The following SGK3 variants were observed in gnomAD, a reference collection of about 807,000 sequenced individuals.
SGK3 encodes serine/threonine-protein kinase Sgk3.
Under a neutral mutation model 68.5 loss-of-function variants are expected in SGK3, and 47 were observed. That is an observed-to-expected ratio of 0.69 (90% confidence interval 0.54 to 0.87). The LOEUF (loss-of-function observed/expected upper bound fraction) is 0.87. Among genes scored for constraint, SGK3 ranks in the 40% least tolerant of loss-of-function variants. SGK3 has a pLI of 0.00. For synonymous variants in SGK3, 181 were observed against 189.1 expected, an observed-to-expected ratio of 0.96 and a Z score of 0.35; for missense variants, 479 against 575.5, an observed-to-expected ratio of 0.83 and a Z score of 1.72.
At chr8:66,751,211 A>G (rs1441454011) in intron 1 of SGK3, among the ~76,000 whole-genome samples, 2 of 152,160 alleles carry the variant, frequency 1.3e-5, no homozygotes, top group African/African-American at 4.8e-5. Context: ...CTGAGGCAGG[A>G]GAATGGCGTG....
intron 10 of SGK3, 123 bp from the exon 11 acceptor site, chr8:66,839,880 G>A (rs748074769): frequency 2.4e-6 from 2 of 847,798 alleles, no homozygotes; most frequent in Non-Finnish European, 3.6e-6. Flanking sequence ...AACATTTTTA[G>A]CTCACATTCA....
intron 5 of SGK3, among the ~76,000 whole-genome samples, chr8:66,821,999 T>TTA (rs1554603319): frequency 3.3e-5 from 5 of 151,544 alleles, no homozygotes; most frequent in African/African-American, 7.3e-5. Context: ...TTTTTTTTTT[T>TTA]ACCAACTTTT....
chr8:66,839,617 TG>T (rs1217464657), intron 10 of SGK3, among the ~76,000 whole-genome samples: 2 of 145,476 alleles, frequency 1.4e-5, no homozygotes, highest in South Asian at 2.2e-4. Flanking sequence ...GAATAGTGTT[TG>T]TTTTTTTCAA....
At chr8:66,788,903 C>T (rs985703603) in intron 1 of SGK3, among the ~76,000 whole-genome samples, 4 of 152,094 alleles carry the variant, frequency 2.6e-5, no homozygotes, top group Non-Finnish European at 5.9e-5. Flanking sequence ...ATGTGATGGA[C>T]CAGTGTGGTG....
chr8:66,797,344 C>T (rs575756114), intron 2 of SGK3, among the ~76,000 whole-genome samples: 2 of 152,304 alleles, frequency 1.3e-5, no homozygotes, highest in African/African-American at 4.8e-5. Context: ...TATTCAGCGT[C>T]GCTGGCACCT....
intron 2 of SGK3, 78 bp downstream of exon 2, chr8:66,793,910 C>T: frequency 7.0e-7 from 1 of 1,432,880 alleles, no homozygotes; most frequent in South Asian, 1.2e-5. Context: ...CTTCTCCAAC[C>T]TAGAACACCC....
chr8:66,793,769 A>C lies in SGK3; in HGVS notation c.33A>C (p.Glu11Asp), dbSNP rs1427694029. 5.6e-6 allele frequency: 9 copies of C among 1,613,498 alleles called. No individual in the cohort carries two copies. The highest frequency in any genetic ancestry group is 7.6e-6 in the Non-Finnish European group (9 of 1,179,630). The change falls in exon 2 of 17, where the codon GAA (glutamate) becomes GAC (aspartate). Residue 11 changes from glutamate (E) to aspartate (D), a missense_variant. Glu to Asp is a conservative substitution (Grantham distance 45, BLOSUM62 2). Coordinates refer to ENST00000521198, the MANE Select transcript of SGK3 (RefSeq NM_001033578.3). Reference protein sequence around the residue: MQRDHTMDYKESCPSVSIPSS... With the variant: MQRDHTMDYKDSCPSVSIPSS... ...GAGATCACACCATGGACTACAAGGA[A>C]AGCTGCCCAAGTGTAAGCATTCCCA...
intron 1 of SGK3, among the ~76,000 whole-genome samples, chr8:66,738,771 G>A (rs577194805): frequency 5.3e-5 from 8 of 152,162 alleles, no homozygotes; most frequent in African/African-American, 1.9e-4. Flanking sequence ...GGGACTACAG[G>A]CACCTGCCAC....
Position 66,732,252 on chromosome 8 carries a change from G to A in SGK3, c.-122+19419G>A, listed in dbSNP as rs548221808. On this transcript the variant is annotated intron_variant, in intron 1 of 16. Coordinates refer to ENST00000521198, the MANE Select transcript of SGK3 (RefSeq NM_001033578.3). ...AAAAATGTTTCAACATATAAACACC[G>A]GTAAATTCTTTTCCTCAACTAAAAA... is the stretch of plus-strand genomic sequence containing the variant. Among the ~76,000 whole-genome samples, 15 of 152,206 alleles carry A rather than the reference G, an allele frequency of 9.9e-5. 1 individual carries two copies. The highest frequency in any genetic ancestry group is 2.2e-4 in the African/African-American group (9 of 41,522).
intron 8 of SGK3, among the ~76,000 whole-genome samples, chr8:66,832,779 T>G (rs77276758): frequency 0.022 from 3,317 of 152,228 alleles, 135 homozygotes; most frequent in African/African-American, 0.075. Context: ...ACTTCATGTT[T>G]AGATCTAGAG....
chr8:66,760,425 C>T (rs1227325038), intron 1 of SGK3, among the ~76,000 whole-genome samples: 4 of 149,616 alleles, frequency 2.7e-5, no homozygotes. Flanking sequence ...AGCTCTGCCT[C>T]CCGGGTTCAC....
intron 1 of SGK3, among the ~76,000 whole-genome samples, chr8:66,766,720 T>C (rs1806330900): frequency 6.6e-6 from 1 of 152,214 alleles, no homozygotes; most frequent in Admixed American, 6.5e-5. Flanking sequence ...AGCTCTGTTA[T>C]TAGGTACGTA....
At chr8:66,817,923 C>T (rs1258153487) in intron 5 of SGK3, among the ~76,000 whole-genome samples, 2 of 152,000 alleles carry the variant, frequency 1.3e-5, no homozygotes, top group African/African-American at 4.8e-5. Flanking sequence ...GCCTGTGCAG[C>T]ATGGCAAAAC....
intron 1 of SGK3, among the ~76,000 whole-genome samples, chr8:66,719,386 G>A (rs1804735932): frequency 6.6e-6 from 1 of 151,992 alleles, no homozygotes; most frequent in Non-Finnish European, 1.5e-5. Flanking sequence ...GAATGCAGTG[G>A]CACGACTGTG....
At chr8:66,848,668 T>C (rs1810137116) in intron 15 of SGK3, among the ~76,000 whole-genome samples, 1 of 152,186 alleles carries the variant, frequency 6.6e-6, no homozygotes, top group Non-Finnish European at 1.5e-5. Context: ...GTTTGTTTGT[T>C]TTGCACAAAT....
chr8:66,790,257 G>A (rs1165577236), intron 1 of SGK3, among the ~76,000 whole-genome samples: 2 of 152,054 alleles, frequency 1.3e-5, no homozygotes, highest in Non-Finnish European at 2.9e-5. Flanking sequence ...TTCTTTCTGG[G>A]GTCTTTTGGG....
intron 1 of SGK3, among the ~76,000 whole-genome samples, chr8:66,763,257 G>A (rs896702619): frequency 2.6e-5 from 4 of 152,144 alleles, no homozygotes; most frequent in Non-Finnish European, 5.9e-5. Context: ...AAACCATGAG[G>A]TTTGTTTTCT....
At chr8:66,807,704 C>T (rs1808221036) in intron 4 of SGK3, among the ~76,000 whole-genome samples, 2 of 152,080 alleles carry the variant, frequency 1.3e-5, no homozygotes, top group South Asian at 4.1e-4. Flanking sequence ...TGTTACAATC[C>T]ATGTTGAGGG....
intron 1 of SGK3, among the ~76,000 whole-genome samples, chr8:66,761,084 T>C (rs1806152167): frequency 6.6e-6 from 1 of 152,152 alleles, no homozygotes; most frequent in African/African-American, 2.4e-5. Flanking sequence ...CTTTACTGCT[T>C]TATCAAGGAC....
Sources: allele counts gnomAD v4.1 joint callset (sites outside exome capture counted in the v4.1 genomes callset), GRCh38; gene constraint gnomAD v4.1.1; transcripts MANE v1.5; gene names NCBI Gene and HGNC (gene_info 2026-07-23, HGNC 2026-07-21).